Variants in TRIM2 observed in about 807,000 individuals in gnomAD.
TRIM2 encodes tripartite motif-containing protein 2.
TRIM2 carries 20 observed loss-of-function variants against 75.2 expected under a neutral mutation model. The observed-to-expected ratio is 0.27, with a 90% CI of 0.19 to 0.39. The LOEUF (loss-of-function observed/expected upper bound fraction) is 0.39, where lower values mean the gene tolerates loss of function less well. TRIM2 is among the 10% of genes least tolerant of loss of function. The probability of loss-of-function intolerance (pLI) is 1.00; values close to 1 mark genes in which losing one functional copy is unlikely to be tolerated. For missense variants in TRIM2, 660 were observed against 990.8 expected, an observed-to-expected ratio of 0.67 and a Z score of 4.48; for synonymous variants, 373 against 388.3, an observed-to-expected ratio of 0.96 and a Z score of 0.46.
chr4:153,244,260 TCCTCCTCCTCCTCCTCCTCC>T (rs1226533608), intron 1 of TRIM2, among the ~76,000 whole-genome samples: 158 of 4,366 alleles, frequency 0.036, 8 homozygotes, highest in Non-Finnish European at 0.051. Flanking sequence ...TCTTTCCTCC[TCCTCCTCCTCCTCCTCCTCC>T]TCCTCCTCCT....
intron 1 of TRIM2, among the ~76,000 whole-genome samples, chr4:153,241,295 G>C (rs1272746308): frequency 6.6e-6 from 1 of 152,170 alleles, no homozygotes; most frequent in African/African-American, 2.4e-5. Flanking sequence ...CACAGCTCTG[G>C]CTAATGTCTA....
At chr4:153,258,431 G>T (rs576933500) in intron 1 of TRIM2, among the ~76,000 whole-genome samples, 1 of 151,826 alleles carries the variant, frequency 6.6e-6, no homozygotes, top group Non-Finnish European at 1.5e-5. Context: ...GTTTTGGGTT[G>T]GTCCTTAGGT....
At chr4:153,190,526 C>CA (rs1357537412) in intron 1 of TRIM2, among the ~76,000 whole-genome samples, 2 of 151,936 alleles carry the variant, frequency 1.3e-5, no homozygotes, top group African/African-American at 4.8e-5. Context: ...TAAAGCAGCC[C>CA]AAAATCTCAA....
chr4:153,296,070 C>T (rs375748453), intron 6 of TRIM2, 34 bp downstream of exon 6: 59 of 1,511,028 alleles, frequency 3.9e-5, no homozygotes, highest in Non-Finnish European at 5.0e-5. Context: ...GACGCCTGAG[C>T]TGGCACTGGT....
chr4:153,329,752 G>A (rs565629311), intron 11 of TRIM2, among the ~76,000 whole-genome samples: 33 of 151,820 alleles, frequency 2.2e-4, no homozygotes, highest in African/African-American at 7.5e-4. Context: ...CAGGAGAATC[G>A]CTTGAACCCA....
chr4:153,254,849 A>G (rs971991543), intron 1 of TRIM2, among the ~76,000 whole-genome samples: 3 of 152,188 alleles, frequency 2.0e-5, no homozygotes, highest in Non-Finnish European at 4.4e-5. Flanking sequence ...ATGTAATGCT[A>G]TTTCCAGGGG....
intron 1 of TRIM2, among the ~76,000 whole-genome samples, chr4:153,160,184 C>T (rs1336818983): frequency 6.6e-6 from 1 of 152,194 alleles, no homozygotes; most frequent in Non-Finnish European, 1.5e-5. Context: ...AAAATTTCCC[C>T]TGCTTTCCCT....
At chr4:153,175,388 C>T (rs551768753) in intron 1 of TRIM2, among the ~76,000 whole-genome samples, 23 of 152,164 alleles carry the variant, frequency 1.5e-4, no homozygotes, top group African/African-American at 5.3e-4. Context: ...TGTGCACAGC[C>T]GGATATTCCC....
At position 153,338,104 on chromosome 4, in the gene TRIM2, C is replaced by A. The variant is rs1772663310; in HGVS notation, c.*3138C>A. The A allele has an allele frequency of 1.0e-6, 1 of 985,650 alleles. No homozygotes were observed. The highest frequency in any genetic ancestry group is 1.7e-5 in the African/African-American group (1 of 57,206). The allele number at this position is 985,650 out of a possible 1,614,324, so 61.1% of individuals were successfully genotyped here. A position where few individuals can be genotyped will look rare whatever the true frequency, so the allele number is the denominator to read the frequency against. On this transcript the variant is annotated 3_prime_UTR_variant, in exon 12 of 12. Transcript: ENST00000338700. ...ACTAGATTTGAAGCAAATAAATACT[C>A]CAGATCCATGCAGCTAGAACACACT...
At position 153,307,494 on chromosome 4, in the gene TRIM2, C is replaced by T. The variant is rs114296546; in HGVS notation, c.1511-7991C>T. On this transcript the variant is annotated intron_variant, in intron 6 of 11. Transcript: ENST00000338700. ...AAAGTACAAATTCAGTTTATTAATCCGTTTATGACACAGTACACAGGAGGC... is the reference window on the plus strand; with the variant it reads ...AAAGTACAAATTCAGTTTATTAATCTGTTTATGACACAGTACACAGGAGGC... 6.8e-3 allele frequency among the ~76,000 whole-genome samples: 1,038 copies of T among 152,100 alleles called. 13 individuals are homozygous for T. Among genetic ancestry groups the T allele is most frequent in the African/African-American group, 0.024 (975 of 41,478 alleles).
chr4:153,267,599 C>T (rs958763215), intron 1 of TRIM2, among the ~76,000 whole-genome samples: 2 of 152,114 alleles, frequency 1.3e-5, no homozygotes, highest in Non-Finnish European at 2.9e-5. Context: ...TGCAGTGAGG[C>T]GAGATCGCGC....
chr4:153,213,713 A>G (rs912368179), intron 1 of TRIM2, among the ~76,000 whole-genome samples: 1 of 152,106 alleles, frequency 6.6e-6, no homozygotes, highest in African/African-American at 2.4e-5. Context: ...TTTTTAGTAG[A>G]GACGGGTTTC....
chr4:153,333,234 A>G (rs1454676470), intron 11 of TRIM2, among the ~76,000 whole-genome samples: 1 of 152,210 alleles, frequency 6.6e-6, no homozygotes, highest in Non-Finnish European at 1.5e-5. Flanking sequence ...GTTACATACT[A>G]TATGATTCTA....
intron 1 of TRIM2, among the ~76,000 whole-genome samples, chr4:153,232,878 G>T (rs1744027901): frequency 6.6e-6 from 1 of 152,210 alleles, no homozygotes; most frequent in South Asian, 2.1e-4. Context: ...CCACTCCAGT[G>T]AGAGTGGCTA....
chr4:153,236,618 G>GT (rs1195412702), intron 1 of TRIM2, among the ~76,000 whole-genome samples: 2 of 151,782 alleles, frequency 1.3e-5, no homozygotes, highest in Non-Finnish European at 2.9e-5. Context: ...TTACATACTT[G>GT]TTTTTTTATG....
intron 1 of TRIM2, among the ~76,000 whole-genome samples, chr4:153,260,726 A>ACACACACACAC (rs768881075): frequency 9.8e-5 from 10 of 101,686 alleles, no homozygotes; most frequent in African/African-American, 3.4e-4. Flanking sequence ...ACACACACAC[A>ACACACACACAC]TCATCATCAT....
chr4:153,295,613 C>T lies in TRIM2; in HGVS notation c.1087C>T (p.Arg363Trp), dbSNP rs768541205. Residue 363 changes from arginine (R) to tryptophan (W), a missense_variant, in exon 6 of 12, where the codon CGG becomes TGG. Physicochemically the swap from Arg to Trp is moderately radical, Grantham distance 101. Coordinates refer to ENST00000338700, the MANE Select transcript of TRIM2 (RefSeq NM_015271.5). This position sits in a 1 kb window ranked among gnomAD's most constrained non-coding sequence, Gnocchi z 7.2. Reference sequence around the variant, plus strand: ...GACAGTGGCCACGGGCGAGGGGCTGCGGCAGACCATCATCGGGCAGCCCAT... The same window carrying T: ...GACAGTGGCCACGGGCGAGGGGCTGTGGCAGACCATCATCGGGCAGCCCAT... ...SETVATGEGL[R>W]QTIIGQPMSV... 16 of 1,613,782 alleles carry T rather than the reference C, an allele frequency of 9.9e-6. No homozygotes were observed. The South Asian group carries it at 1.2e-4, about 12-fold the overall frequency.
At chr4:153,282,914 G>A (rs758218769) in intron 3 of TRIM2, among the ~76,000 whole-genome samples, 9 of 151,464 alleles carry the variant, frequency 5.9e-5, no homozygotes, top group East Asian at 1.9e-4. Flanking sequence ...TCAGCCTCCC[G>A]AGTAACTGGG....
chr4:153,172,334 C>T (rs1352939246), intron 1 of TRIM2, among the ~76,000 whole-genome samples: 1 of 152,058 alleles, frequency 6.6e-6, no homozygotes, highest in Non-Finnish European at 1.5e-5. Flanking sequence ...ACTACAGGCG[C>T]CCGCCACCGC....
Sources: gnomAD v4.1 joint callset for allele counts (sites outside exome capture counted in the v4.1 genomes callset) on GRCh38, gnomAD v4.1.1 for gene constraint, Gnocchi (gnomAD v3.1) non-coding constraint, MANE v1.5 for transcripts, NCBI Gene and HGNC (gene_info 2026-07-23, HGNC 2026-07-21) for gene names.